The following MED12L variants were observed in gnomAD, a reference collection of about 807,000 sequenced individuals.
MED12L encodes mediator of RNA polymerase II transcription subunit 12-like protein.
MED12L carries 60 observed loss-of-function variants against 281.3 expected under a neutral mutation model. That is an observed-to-expected ratio of 0.21 (90% CI 0.17 to 0.26). MED12L has a LOEUF of 0.26. Ranked by LOEUF, MED12L falls within the 10% of genes least tolerant of loss-of-function variation. The pLI, the probability that MED12L is intolerant of heterozygous loss-of-function variation, is 1.00. For synonymous variants in MED12L, 974 were observed against 987.2 expected (o/e 0.99, Z 0.25); for missense variants, 2,146 against 2,680.9 (o/e 0.80, Z 4.41).
chr3:151,327,921 G>C (rs553748721), intron 16 of MED12L: 2 of 1,127,560 alleles, frequency 1.8e-6, no homozygotes, highest in Non-Finnish European at 1.2e-6. Context: ...TTTTTTCTTG[G>C]TTAAATTTGA....
chr3:151,088,056 A>T (rs931049888), intron 2 of MED12L, among the ~76,000 whole-genome samples: 23 of 152,332 alleles, frequency 1.5e-4, no homozygotes, highest in Admixed American at 9.8e-4. Context: ...CTGATAGCAC[A>T]GAAAGGGCCT....
chr3:151,226,660 A>G (rs1382065727), intron 16 of MED12L, among the ~76,000 whole-genome samples: 2 of 151,800 alleles, frequency 1.3e-5, no homozygotes, highest in Non-Finnish European at 2.9e-5. Context: ...TTGAGAGTAT[A>G]TATATTATTT....
intron 16 of MED12L, among the ~76,000 whole-genome samples, chr3:151,310,035 G>A (rs1419863485): frequency 6.6e-6 from 1 of 152,128 alleles, no homozygotes; most frequent in African/African-American, 2.4e-5. Flanking sequence ...ACCATTAGGA[G>A]GCTAATCAAA....
At chr3:151,265,053 A>T (rs111860077) in intron 16 of MED12L, among the ~76,000 whole-genome samples, 7 of 151,628 alleles carry the variant, frequency 4.6e-5, no homozygotes, top group Admixed American at 1.3e-4. Flanking sequence ...CTCTCACCCT[A>T]TTTTCCAGAA....
chr3:151,372,530 A>G (rs1414374931), intron 26 of MED12L, 37 bp from the exon 27 acceptor site: 1 of 1,504,876 alleles, frequency 6.6e-7, no homozygotes, highest in African/African-American at 1.4e-5. Context: ...AATATTTTGA[A>G]CTTCTGTGAT....
At chr3:151,414,696 C>A (rs982774885) in intron 42 of MED12L, among the ~76,000 whole-genome samples, 2 of 87,884 alleles carry the variant, frequency 2.3e-5, no homozygotes, top group Non-Finnish European at 4.4e-5. Flanking sequence ...CAATTTGTGA[C>A]CTGTTAAAAA....
intron 5 of MED12L, among the ~76,000 whole-genome samples, chr3:151,138,826 G>T (rs1716515750): frequency 6.6e-6 from 1 of 152,176 alleles, no homozygotes; most frequent in African/African-American, 2.4e-5. Context: ...ACAGTGTAAA[G>T]TTATTTCCCT....
At chr3:151,338,080 G>T in intron 16 of MED12L, 1 of 1,613,774 alleles carries the variant, frequency 6.2e-7, no homozygotes, top group Non-Finnish European at 8.5e-7. Context: ...TAAGGAATTC[G>T]GGCAAAATGG....
At position 151,139,978 on chromosome 3, in the gene MED12L, T is replaced by C. The variant is rs562713883; in HGVS notation, c.556+11994T>C. On this transcript the variant is annotated intron_variant, in intron 5 of 44. Coordinates refer to ENST00000687756, the MANE Select transcript of MED12L (RefSeq NM_001393769.1). The stretch of plus-strand genomic sequence containing the variant: ...GCCTATTTTTTGTTGTCATTGGTAC[T>C]TTTCCTGGAAGATATCTTGCTGTAA... 8.5e-5 allele frequency among the ~76,000 whole-genome samples: 13 copies of C among 152,332 alleles called. No individual in the cohort carries two copies. In the South Asian group the frequency reaches 2.5e-3, roughly 29 times the overall value.
chr3:151,279,053 G>C (rs774214207), intron 16 of MED12L, among the ~76,000 whole-genome samples: 4 of 152,188 alleles, frequency 2.6e-5, no homozygotes, highest in Non-Finnish European at 5.9e-5. Context: ...AATTGGTGAT[G>C]TCCTGCAGTG....
At chr3:151,372,806 CTCT>C in intron 27 of MED12L, 40 bp downstream of exon 27, 1 of 1,541,474 alleles carries the variant, frequency 6.5e-7, no homozygotes, top group Non-Finnish European at 9.0e-7. Context: ...GAGTACGTAA[CTCT>C]TCTTTTGGAG....
intron 39 of MED12L, among the ~76,000 whole-genome samples, chr3:151,407,670 C>A (rs1367097991): frequency 6.6e-6 from 1 of 152,154 alleles, no homozygotes; most frequent in East Asian, 1.9e-4. Context: ...CTAACCCAAG[C>A]AAATGGAGAT....
At chr3:151,153,477 G>A (rs1718837508) in intron 5 of MED12L, among the ~76,000 whole-genome samples, 1 of 151,108 alleles carries the variant, frequency 6.6e-6, no homozygotes, top group Admixed American at 6.6e-5. Flanking sequence ...AGCTTGCATA[G>A]TCACTTTCTT....
chr3:151,118,090 CA>C (rs778516389), intron 3 of MED12L, among the ~76,000 whole-genome samples: 1,704 of 87,786 alleles, frequency 0.019, 34 homozygotes, highest in African/African-American at 0.056. Context: ...GACTCCATCT[CA>C]AAAAAAAAAA....
chr3:151,141,610 T>C (rs940235988), intron 5 of MED12L, among the ~76,000 whole-genome samples: 1 of 152,198 alleles, frequency 6.6e-6, no homozygotes, highest in East Asian at 1.9e-4. Flanking sequence ...TTTTCTGTAG[T>C]AGTAAAATAT....
At chr3:151,357,102 G>A (rs1754026698) in intron 19 of MED12L, 111 bp from the exon 20 acceptor site, 4 of 904,190 alleles carry the variant, frequency 4.4e-6, no homozygotes, top group Admixed American at 3.2e-5. Flanking sequence ...TTAAATTTAG[G>A]GAATGTATTT....
Position 151,380,177 on chromosome 3 carries a change from G to A in MED12L, c.4543G>A (p.Glu1515Lys). The A allele has an allele frequency of 1.2e-6, 2 of 1,610,534 alleles. No individual in the cohort carries two copies. The highest frequency in any genetic ancestry group is 1.7e-6 in the Non-Finnish European group (2 of 1,178,786). ...LVLTCLKGQD[E>K]QREGLLTSLQ... ...ACTTACCTGCCTTAAGGGACAAGAT[G>A]AACAAAGGGAAGGCCTCCTAACATC... The change falls in exon 32 of 45, where the codon GAA (glutamate) becomes AAA (lysine). Residue 1515 changes from glutamate (E) to lysine (K), a missense_variant. By Grantham distance (56) the Glu-to-Lys change is moderately conservative. Coordinates refer to ENST00000687756, the MANE Select transcript of MED12L (RefSeq NM_001393769.1).
At chr3:151,358,186 G>T (rs963190361) in intron 20 of MED12L, among the ~76,000 whole-genome samples, 5 of 151,968 alleles carry the variant, frequency 3.3e-5, no homozygotes, top group African/African-American at 1.2e-4. Flanking sequence ...TAGCTATTCT[G>T]GGAAAGAGGA....
chr3:151,319,348 C>T (rs1392036411), intron 16 of MED12L, among the ~76,000 whole-genome samples: 1 of 151,988 alleles, frequency 6.6e-6, no homozygotes, highest in Non-Finnish European at 1.5e-5. Context: ...CGATAATTTC[C>T]TTTCCACTTC....
Sources: gnomAD v4.1 joint callset for allele counts (sites outside exome capture counted in the v4.1 genomes callset) on GRCh38, gnomAD v4.1.1 for gene constraint, MANE v1.5 for transcripts, NCBI Gene and HGNC (gene_info 2026-07-23, HGNC 2026-07-21) for gene names.